Variants in DOCK10 observed in about 807,000 individuals in gnomAD.
DOCK10 encodes dedicator of cytokinesis 10.
DOCK10 carries 145 observed loss-of-function variants against 280.1 expected under a neutral mutation model. The ratio of observed to expected loss-of-function variants is 0.52; its 90% CI spans 0.45 to 0.59. The LOEUF is 0.59. DOCK10 is among the 20% of genes least tolerant of loss of function. DOCK10 has a pLI of 0.00. For missense variants in DOCK10, 2,368 were observed against 2,651.7 expected (o/e 0.89, Z 2.35); for synonymous variants, 915 against 942.2 (o/e 0.97, Z 0.53).
intron 38 of DOCK10, among the ~76,000 whole-genome samples, chr2:224,804,473 G>A (rs1437479125): frequency 6.7e-6 from 1 of 150,026 alleles, no homozygotes; most frequent in Non-Finnish European, 1.5e-5. Flanking sequence ...TTAGTTTACT[G>A]GAAATGTTTT....
chr2:224,879,889 TCA>T (rs1042815308), intron 7 of DOCK10, among the ~76,000 whole-genome samples: 11 of 152,266 alleles, frequency 7.2e-5, no homozygotes, highest in African/African-American at 2.4e-4. Flanking sequence ...CAAGCAAATC[TCA>T]GTGTTATCTT....
chr2:224,773,144 A>T lies in DOCK10; in HGVS notation c.6204+13T>A. 1 of 1,599,788 alleles carries T rather than the reference A, an allele frequency of 6.3e-7. No individual in the cohort carries two copies. Among genetic ancestry groups the T allele is most frequent in the East Asian group, 2.2e-5 (1 of 44,564 alleles). ...GGCCATGTGCATCTCAGCCCTGGGC[A>T]ATGCTTACTCACCTTCACGCTGACA... is the stretch of plus-strand genomic sequence containing the variant. On this transcript the variant is annotated intron_variant, in intron 53 of 55. Coordinates refer to ENST00000258390, the MANE Select transcript of DOCK10 (RefSeq NM_014689.3).
intron 1 of DOCK10, among the ~76,000 whole-genome samples, chr2:224,960,725 A>G (rs1704314650): frequency 6.9e-6 from 1 of 145,810 alleles, no homozygotes; most frequent in African/African-American, 2.6e-5. Flanking sequence ...ACGCATCACC[A>G]AATTCTTTTT....
intron 22 of DOCK10, among the ~76,000 whole-genome samples, chr2:224,843,741 G>A (rs1177777820): frequency 6.6e-6 from 1 of 152,192 alleles, no homozygotes; most frequent in Non-Finnish European, 1.5e-5. Context: ...TATATCTGTT[G>A]CCAGAAAACT....
chr2:224,965,785 T>C (rs1704701735), intron 1 of DOCK10, among the ~76,000 whole-genome samples: 1 of 152,244 alleles, frequency 6.6e-6, no homozygotes. Context: ...CTTGAGAATT[T>C]ATTTGAAAAT....
intron 50 of DOCK10, among the ~76,000 whole-genome samples, chr2:224,785,941 A>G (rs555044251): frequency 6.6e-6 from 1 of 152,326 alleles, no homozygotes; most frequent in East Asian, 1.9e-4. Flanking sequence ...TCACGCCTGT[A>G]ATCCCAGCAT....
chr2:225,013,542 T>A (rs1163353387), intron 1 of DOCK10, among the ~76,000 whole-genome samples: 1 of 152,126 alleles, frequency 6.6e-6, no homozygotes, highest in East Asian at 1.9e-4. Context: ...ATGATGTAGG[T>A]CAGATCACTC....
intron 3 of DOCK10, among the ~76,000 whole-genome samples, chr2:224,898,192 G>C (rs1277628631): frequency 6.6e-6 from 1 of 152,204 alleles, no homozygotes; most frequent in African/African-American, 2.4e-5. Context: ...TTCCAGGCAA[G>C]AGGCTCGAGA....
intron 26 of DOCK10, among the ~76,000 whole-genome samples, chr2:224,831,879 G>A (rs1695263129): frequency 6.6e-6 from 1 of 152,176 alleles, no homozygotes; most frequent in South Asian, 2.1e-4. Context: ...AGGACCTTGA[G>A]CAAGAGGGTC....
At chr2:224,773,469 C>G in intron 52 of DOCK10, 122 bp from the exon 53 acceptor site, 1 of 838,338 alleles carries the variant, frequency 1.2e-6, no homozygotes, top group Non-Finnish European at 1.8e-6. Flanking sequence ...ATTCTGCATG[C>G]TTTTCATGCA....
At chr2:224,948,949 G>A (rs933020968) in intron 1 of DOCK10, among the ~76,000 whole-genome samples, 1 of 152,144 alleles carries the variant, frequency 6.6e-6, no homozygotes, top group Admixed American at 6.5e-5. Flanking sequence ...TTATCCTAGA[G>A]TTCCTCCCAC....
chr2:225,029,056 C>T (rs1459590355), intron 1 of DOCK10, among the ~76,000 whole-genome samples: 1 of 152,220 alleles, frequency 6.6e-6, no homozygotes, highest in Admixed American at 6.5e-5. Flanking sequence ...AGATGGTGCA[C>T]TGGGCTGAAG....
intron 14 of DOCK10, 80 bp downstream of exon 14, chr2:224,862,584 C>T (rs756685927): frequency 8.5e-7 from 1 of 1,170,806 alleles, no homozygotes. Context: ...TAATAGGCAA[C>T]ACAAAAACGT....
At chr2:224,866,560 A>C (rs1311795797) in intron 11 of DOCK10, among the ~76,000 whole-genome samples, 1 of 152,160 alleles carries the variant, frequency 6.6e-6, no homozygotes, top group Non-Finnish European at 1.5e-5. Context: ...AACCCACCCT[A>C]GTCTTCATCT....
intron 1 of DOCK10, among the ~76,000 whole-genome samples, chr2:224,977,711 A>G (rs1412245613): frequency 6.6e-6 from 1 of 152,212 alleles, no homozygotes; most frequent in Admixed American, 6.5e-5. Context: ...GGCCATTGTA[A>G]TGGTCTCAGA....
intron 1 of DOCK10, among the ~76,000 whole-genome samples, chr2:224,933,530 C>G (rs904544796): frequency 6.6e-6 from 1 of 152,184 alleles, no homozygotes; most frequent in Non-Finnish European, 1.5e-5. Flanking sequence ...TTGGCTTATT[C>G]TGAAACCTGT....
At chr2:224,927,174 C>T (rs1040432561) in intron 2 of DOCK10, among the ~76,000 whole-genome samples, 14 of 152,088 alleles carry the variant, frequency 9.2e-5, no homozygotes, top group African/African-American at 3.1e-4. Context: ...TGTAAAGGCC[C>T]TACCGAGAGG....
intron 4 of DOCK10, 45 bp from the exon 5 acceptor site, chr2:224,886,576 A>G (rs2304334): frequency 0.17 from 251,337 of 1,505,780 alleles, 25,692 homozygotes; most frequent in African/African-American, 0.49. Context: ...CATTGGAGAC[A>G]GCTTTCATTT....
intron 1 of DOCK10, among the ~76,000 whole-genome samples, chr2:224,942,816 C>G (rs189748196): frequency 3.3e-4 from 50 of 152,190 alleles, no homozygotes; most frequent in African/African-American, 1.1e-3. Flanking sequence ...TCATGGGTAT[C>G]CAGTTTTCCA....
Sources: gnomAD v4.1 joint callset for allele counts (sites outside exome capture counted in the v4.1 genomes callset) on GRCh38, gnomAD v4.1.1 for gene constraint, MANE v1.5 for transcripts, NCBI Gene and HGNC (gene_info 2026-07-23, HGNC 2026-07-21) for gene names.